NOS3: variants seen among roughly 807,000 people sequenced by gnomAD.
The protein encoded by NOS3 is nitric oxide synthase 3.
In NOS3, 98 loss-of-function variants were observed where a neutral mutation model predicts 144.9. The ratio of observed to expected loss-of-function variants is 0.68; its 90% CI spans 0.57 to 0.80. The LOEUF (loss-of-function observed/expected upper bound fraction) is 0.80. Among genes scored for constraint, NOS3 ranks in the 30% least tolerant of loss-of-function variants. NOS3 has a pLI of 0.00. For missense variants in NOS3, 1,465 were observed against 1,656.4 expected (o/e 0.88, Z 2.01); for synonymous variants, 714 against 702.4 (o/e 1.02, Z -0.26).
intron 24 of NOS3, 25 bp downstream of exon 24, chr7:151,012,497 C>A: frequency 6.2e-7 from 1 of 1,602,812 alleles, no homozygotes. Context: ...TAAAGGACTG[C>A]CTGAAGGGAG....
In NOS3 at chr7:151,003,579, C is replaced by T; in HGVS notation, c.1752+1275C>T. 3 of 1,288,268 alleles carry T rather than the reference C, an allele frequency of 2.3e-6. No individual in the cohort carries two copies. The highest frequency in any genetic ancestry group is 5.6e-5 in the East Asian group (1 of 17,944). The allele number at this position is 1,288,268 out of a possible 1,614,324, so 79.8% of individuals were successfully genotyped here. ...GGTGTATAGACACCCATATAACCTA[C>T]AGCCTTCACAAGGCATAGCACATTT... On this transcript the variant is annotated intron_variant, in intron 14 of 26. Coordinates refer to ENST00000297494, the MANE Select transcript of NOS3 (RefSeq NM_000603.5). This position sits in a 1 kb window ranked among gnomAD's most constrained non-coding sequence, Gnocchi z 4.1.
At position 150,995,535 on chromosome 7, in the gene NOS3, C is replaced by T. The variant is rs142653113; in HGVS notation, c.270+221C>T. Reference sequence around the variant, plus strand: ...ACCCCCAACCCTGGCTCAAACTCTCCCCCATCCCACCCCTGCACCCCTTTC... The same window carrying T: ...ACCCCCAACCCTGGCTCAAACTCTCTCCCATCCCACCCCTGCACCCCTTTC... On this transcript the variant is annotated intron_variant, in intron 3 of 26. Coordinates refer to ENST00000297494, the MANE Select transcript of NOS3 (RefSeq NM_000603.5). 6.2e-3 allele frequency among the ~76,000 whole-genome samples: 785 copies of T among 126,070 alleles called. 5 individuals carry two copies. Among genetic ancestry groups the T allele is most frequent in the Middle Eastern group, 0.033 (8 of 246 alleles). The allele number at this position is 126,070 out of a possible 152,430, so 82.7% of individuals were successfully genotyped here.
rs1221922618 is a variant in NOS3 at position 151,010,135 on chromosome 7, G to A, written c.2533G>A (p.Val845Met). The A allele has an allele frequency of 6.2e-7, 1 of 1,606,938 alleles. No homozygotes were observed. The highest frequency in any genetic ancestry group is 1.7e-5 in the Admixed American group (1 of 59,806). Residue 845 changes from valine (V) to methionine (M), a missense_variant, in exon 21 of 27, where the codon GTG (valine) becomes ATG (methionine). By Grantham distance (21) the Val-to-Met change is conservative (BLOSUM62 1). Coordinates refer to ENST00000297494, the MANE Select transcript of NOS3 (RefSeq NM_000603.5). Reference protein sequence around the residue: ...GSPGGPPPGWVRDPRLPPCTL... With the variant: ...GSPGGPPPGWMRDPRLPPCTL... ...CCCAGGTGGCCCTCCCCCCGGCTGG[G>A]TGCGGGACCCCCGGCTGCCCCCGTG...
At position 151,013,394 on chromosome 7, in the gene NOS3, G is replaced by A. The variant is rs771332707; in HGVS notation, c.3255+15G>A. Reference sequence around the variant, plus strand: ...ACAACCCCAAGGTGTGAGACCCTGAGGGCGCAATGGTAACCTGAAGATAGG... The same window carrying A: ...ACAACCCCAAGGTGTGAGACCCTGAAGGCGCAATGGTAACCTGAAGATAGG... On this transcript the variant is annotated intron_variant, in intron 25 of 26. Transcript: ENST00000297494. 48 of 1,604,910 alleles carry A rather than the reference G, an allele frequency of 3.0e-5. No individual in the cohort carries two copies. The East Asian group carries it at 1.1e-3, about 35-fold the overall frequency.
chr7:151,005,384 G>A (rs776197835), intron 14 of NOS3, among the ~76,000 whole-genome samples: 1 of 152,158 alleles, frequency 6.6e-6, no homozygotes, highest in African/African-American at 2.4e-5. Context: ...TGGGAGGTCC[G>A]CTTGATGCCA....
At chr7:151,005,589 G>C (rs936544134) in intron 14 of NOS3, among the ~76,000 whole-genome samples, 1 of 152,184 alleles carries the variant, frequency 6.6e-6, no homozygotes, top group Non-Finnish European at 1.5e-5. Flanking sequence ...CTGCAGCTGC[G>C]AGGACGATCT....
chr7:150,993,753 G>A lies in NOS3; in HGVS notation c.-51G>A, dbSNP rs769213623. ...TCTCGGTCCCCTCCCTCTTCCTAAG[G>A]AAAAGGCCAGGGCTCTGCTGGAGCA... On this transcript the variant is annotated splice_region_variant and 5_prime_UTR_variant, in exon 2 of 27. Transcript: ENST00000297494. This position sits in a 1 kb window ranked among gnomAD's most constrained non-coding sequence, Gnocchi z 4.0. 4.5e-6 allele frequency: 7 copies of A among 1,556,120 alleles called. No homozygotes were observed. The South Asian group carries it at 6.0e-5, about 13-fold the overall frequency.
At position 150,999,945 on chromosome 7, in the gene NOS3, G is replaced by A. The variant is rs527778881; in HGVS notation, c.1132-553G>A. Among the ~76,000 whole-genome samples, 5 of 128,118 alleles carry A rather than the reference G, an allele frequency of 3.9e-5. No individual in the cohort carries two copies. The South Asian group carries it at 1.4e-3, about 35-fold the overall frequency. The allele number at this position is 128,118 out of a possible 152,430, so 84.1% of individuals were successfully genotyped here. ...GTAGGTGAGTGTGGGTTTGTGGGGT[G>A]TGTAGGGGGTGTGTGTGGGCTTGTA... On this transcript the variant is annotated intron_variant, in intron 9 of 26. Transcript: ENST00000297494.
At position 151,008,879 on chromosome 7, in the gene NOS3, G is replaced by A. The variant is rs752962923; in HGVS notation, c.2113-51G>A. On this transcript the variant is annotated intron_variant, in intron 17 of 26. Coordinates refer to ENST00000297494, the MANE Select transcript of NOS3 (RefSeq NM_000603.5). ...TGAAGCCGCCCAGGCGCCTCACTAG[G>A]GCGACCCCTGGTGGCGGGAGGTCCT... The A allele has an allele frequency of 8.4e-6, 13 of 1,555,468 alleles. No homozygotes were observed. In the Admixed American group the frequency reaches 2.4e-4, roughly 29 times the overall value.
chr7:151,013,447 G>C, intron 25 of NOS3, 68 bp downstream of exon 25: 3 of 1,534,082 alleles, frequency 2.0e-6, no homozygotes, highest in Non-Finnish European at 2.6e-6. Flanking sequence ...GCGCTCTCCA[G>C]CGGGGCACAC....
intron 17 of NOS3, among the ~76,000 whole-genome samples, chr7:151,008,467 A>G (rs1352720279): frequency 6.6e-6 from 1 of 152,194 alleles, no homozygotes; most frequent in Non-Finnish European, 1.5e-5. Context: ...GTCCCTTCCC[A>G]GGAGCACTTA....
At position 151,009,136 on chromosome 7, in the gene NOS3, C is replaced by T. The variant is rs1795251180; in HGVS notation, c.2246-53C>T. ...ACCCCGGGACTAAAGCACTCTGGGG[C>T]CAGGCCCTGCTCCCTAGCTCAGGCT... is the stretch of plus-strand genomic sequence containing the variant. On this transcript the variant is annotated intron_variant, in intron 18 of 26. Transcript: ENST00000297494. 4.3e-6 allele frequency: 7 copies of T among 1,612,178 alleles called. No individual in the cohort carries two copies. In the South Asian group the frequency reaches 6.6e-5, roughly 15 times the overall value.
chr7:151,007,888 C>T lies in NOS3; in HGVS notation c.2112+612C>T, dbSNP rs184322652. On this transcript the variant is annotated intron_variant, in intron 17 of 26. Transcript: ENST00000297494. ...AGGGCTCGGTCTCCCCAGTGCCACA[C>T]TGTTCAGGGCAGTGCTGCTGTCCCG... 3.8e-4 allele frequency among the ~76,000 whole-genome samples: 57 copies of T among 151,872 alleles called. No homozygotes were observed. The East Asian group carries it at 9.5e-3, about 25-fold the overall frequency.
intron 25 of NOS3, 28 bp downstream of exon 25, chr7:151,013,407 A>G: frequency 6.3e-7 from 1 of 1,596,916 alleles, no homozygotes; most frequent in Non-Finnish European, 8.6e-7. Context: ...CGCAATGGTA[A>G]CCTGAAGATA....
Position 151,006,486 on chromosome 7 carries a change from A to G in NOS3, c.1812A>G (p.Glu604=). ...SGPYNSSPRP[E]QHKSYKIRFN... Reference sequence around the variant, plus strand: ...CCTACAACAGCTCCCCTCGGCCGGAACAGCACAAGTGAGTTGGGTGAGAGT... The same window carrying G: ...CCTACAACAGCTCCCCTCGGCCGGAGCAGCACAAGTGAGTTGGGTGAGAGT... The change falls in exon 15 of 27, where the codon GAA becomes GAG. Residue 604 remains glutamate (E), a synonymous_variant. Coordinates refer to ENST00000297494, the MANE Select transcript of NOS3 (RefSeq NM_000603.5). 6.2e-7 allele frequency: 1 copy of G among 1,613,648 alleles called. No individual in the cohort carries two copies. Among genetic ancestry groups the G allele is most frequent in the Non-Finnish European group, 8.5e-7 (1 of 1,179,786 alleles).
chr7:150,994,004 T>C (rs1802312944), intron 2 of NOS3, 43 bp downstream of exon 2: 1 of 1,527,276 alleles, frequency 6.5e-7, no homozygotes, highest in Admixed American at 2.1e-5. Flanking sequence ...ACAAGGGTGG[T>C]GTCAAGGCCT....
chr7:151,012,638 C>A, intron 24 of NOS3, 166 bp downstream of exon 24: 1 of 772,324 alleles, frequency 1.3e-6, no homozygotes, highest in Non-Finnish European at 2.0e-6. Context: ...AAGGCAAGGG[C>A]TGGGCCCTGA....
chr7:151,003,822 T>C lies in NOS3; in HGVS notation c.1752+1518T>C. On this transcript the variant is annotated intron_variant, in intron 14 of 26. Coordinates refer to ENST00000297494, the MANE Select transcript of NOS3 (RefSeq NM_000603.5). The surrounding 1 kb of genome is among the most constrained non-coding windows in gnomAD (Gnocchi z 4.1). The stretch of plus-strand genomic sequence containing the variant: ...GTATTTCACTCATTCTGCTGCTGAG[T>C]GCCGTTCATTGTGTGAATATCCCCA... The C allele has an allele frequency of 2.3e-6, 1 of 437,662 alleles. No homozygotes were observed. The highest frequency in any genetic ancestry group is 1.6e-5 in the South Asian group (1 of 60,668). The allele number at this position is 437,662 out of a possible 1,614,324, so 27.1% of individuals were successfully genotyped here.
intron 4 of NOS3, 65 bp from the exon 5 acceptor site, chr7:150,996,698 G>A (rs1802433917): frequency 2.6e-6 from 4 of 1,560,306 alleles, no homozygotes; most frequent in Non-Finnish European, 3.5e-6. Flanking sequence ...CACAAAGCCT[G>A]GAGGAGGGCC....
Sources: allele counts gnomAD v4.1 joint callset (sites outside exome capture counted in the v4.1 genomes callset), GRCh38; gene constraint gnomAD v4.1.1; non-coding constraint Gnocchi (gnomAD v3.1); transcripts MANE v1.5; gene names NCBI Gene and HGNC (gene_info 2026-07-23, HGNC 2026-07-21).